Variants in TTC6 observed in about 807,000 individuals in gnomAD.
The protein encoded by TTC6 is tetratricopeptide repeat domain 6, also known as tetratricopeptide repeat protein 6.
TTC6 carries 172 observed loss-of-function variants against 210.4 expected under a neutral mutation model. That is an observed-to-expected ratio of 0.82 (90% CI 0.72 to 0.93). TTC6 has a LOEUF of 0.93. Ranked by LOEUF, TTC6 falls within the 40% of genes least tolerant of loss-of-function variation. The pLI, the probability that TTC6 is intolerant of heterozygous loss-of-function variation, is 0.00. For missense variants in TTC6, 2,414 were observed against 2,318.1 expected (o/e 1.04, Z -0.85); for synonymous variants, 804 against 819.6 (o/e 0.98, Z 0.32).
chr14:37,652,429 CAGAG>C (rs1293263861), intron 1 of TTC6, among the ~76,000 whole-genome samples: 3 of 151,884 alleles, frequency 2.0e-5, no homozygotes, highest in East Asian at 3.9e-4. Flanking sequence ...AATGATCTAG[CAGAG>C]AGAGAGAGAC....
At chr14:37,735,048 T>TA in intron 7 of TTC6, among the ~76,000 whole-genome samples, 1 of 152,184 alleles carries the variant, frequency 6.6e-6, no homozygotes, top group South Asian at 2.1e-4. Context: ...AGTGACCAAG[T>TA]ATCTTTCTAT....
chr14:37,638,977 T>C (rs980260346), intron 1 of TTC6, among the ~76,000 whole-genome samples: 2 of 152,228 alleles, frequency 1.3e-5, no homozygotes, highest in African/African-American at 4.8e-5. Context: ...TCTCAATTTC[T>C]TAGTACAAAT....
At chr14:37,748,622 A>G (rs2095942942) in intron 10 of TTC6, among the ~76,000 whole-genome samples, 1 of 151,948 alleles carries the variant, frequency 6.6e-6, no homozygotes, top group Non-Finnish European at 1.5e-5. Flanking sequence ...TACTTCCTTA[A>G]TTCTCCATTG....
intron 14 of TTC6, among the ~76,000 whole-genome samples, chr14:37,771,402 C>G (rs946564201): frequency 5.3e-5 from 8 of 152,134 alleles, no homozygotes; most frequent in Non-Finnish European, 8.8e-5. Flanking sequence ...AGAGTGTTTT[C>G]CAACTTGGTT....
Position 37,663,397 on chromosome 14 carries a change from A to G in TTC6, c.940-16754A>G, listed in dbSNP as rs145769105. On this transcript the variant is annotated intron_variant, in intron 1 of 30. Transcript: ENST00000553443. Reference sequence around the variant, plus strand: ...TTAAATGACTGTGGAAACTCAAATGATGTTTTTGAGAATATATCTGTGCTT... The same window carrying G: ...TTAAATGACTGTGGAAACTCAAATGGTGTTTTTGAGAATATATCTGTGCTT... Among the ~76,000 whole-genome samples the G allele has an allele frequency of 2.0e-3, 307 of 152,276 alleles. 1 individual carries two copies. Among genetic ancestry groups the G allele is most frequent in the African/African-American group, 6.7e-3 (280 of 41,572 alleles).
Position 37,598,470 on chromosome 14 carries a change from C to A in TTC6, c.-235+2462C>A, listed in dbSNP as rs1400356253. Among the ~76,000 whole-genome samples, 1 of 152,242 alleles carries A rather than the reference C, an allele frequency of 6.6e-6. No homozygotes were observed. The highest frequency in any genetic ancestry group is 1.9e-4 in the East Asian group (1 of 5,182). ...CCGCCCTTCCCGGAAGCTGCCCTTG[C>A]TACACCCGTGGGGCCTGCTCCCGGC... is the stretch of plus-strand genomic sequence containing the variant. On this transcript the variant is annotated intron_variant, in intron 1 of 2. Coordinates refer to the TTC6 transcript ENST00000556845. The surrounding 1 kb of genome is among the most constrained non-coding windows in gnomAD (Gnocchi z 4.9).
chr14:37,659,812 C>T (rs938843055), intron 1 of TTC6, among the ~76,000 whole-genome samples: 14 of 152,174 alleles, frequency 9.2e-5, no homozygotes, highest in Admixed American at 5.2e-4. Flanking sequence ...TGACCCACCG[C>T]GCTTGGCCTT....
intron 5 of TTC6, among the ~76,000 whole-genome samples, chr14:37,711,686 G>T (rs982042679): frequency 2.0e-5 from 3 of 152,134 alleles, no homozygotes; most frequent in Non-Finnish European, 4.4e-5. Context: ...AGCTTGGGTT[G>T]TATATACTGT....
At chr14:37,725,332 A>G (rs370509442) in intron 7 of TTC6, among the ~76,000 whole-genome samples, 15 of 91,446 alleles carry the variant, frequency 1.6e-4, no homozygotes, top group African/African-American at 5.3e-4. Flanking sequence ...ATATATATAT[A>G]TATATATATA....
chr14:37,655,733 G>C (rs1009004560), intron 1 of TTC6, among the ~76,000 whole-genome samples: 2 of 152,162 alleles, frequency 1.3e-5, no homozygotes, highest in African/African-American at 4.8e-5. Context: ...ATGACATTCA[G>C]GAACAATTAT....
intron 1 of TTC6, among the ~76,000 whole-genome samples, chr14:37,599,190 G>A (rs1022421648): frequency 6.6e-6 from 1 of 152,224 alleles, no homozygotes; most frequent in African/African-American, 2.4e-5. Flanking sequence ...CCGCGAGAGA[G>A]AAGTATGGGC....
intron 1 of TTC6, among the ~76,000 whole-genome samples, chr14:37,636,366 T>C (rs2095680706): frequency 6.6e-6 from 1 of 152,168 alleles, no homozygotes; most frequent in African/African-American, 2.4e-5. Flanking sequence ...GGACCATATC[T>C]TGGGCCATAA....
intron 15 of TTC6, among the ~76,000 whole-genome samples, chr14:37,789,442 A>G (rs1414217839): frequency 6.6e-6 from 1 of 151,890 alleles, no homozygotes; most frequent in Non-Finnish European, 1.5e-5. Context: ...TCTTCAAGTG[A>G]TAACAGTCAT....
chr14:37,753,274 A>G lies in TTC6; in HGVS notation c.3266+39A>G, dbSNP rs1281015670. 2.8e-6 allele frequency: 4 copies of G among 1,448,258 alleles called. No homozygotes were observed. The African/African-American group carries it at 4.3e-5, about 15-fold the overall frequency. The allele number at this position is 1,448,258 out of a possible 1,614,324, so 89.7% of individuals were successfully genotyped here. On this transcript the variant is annotated intron_variant, in intron 14 of 30. Transcript: ENST00000553443. ...TAGATGTCGTTTTAAAATTATTACT[A>G]TTATTTGAAATACATTTTCAGAACA...
exon 28 of TTC6, chr14:37,826,216 G>C: frequency 1.2e-6 from 2 of 1,600,952 alleles, no homozygotes; most frequent in Non-Finnish European, 1.7e-6. Flanking sequence ...ATTCCAGAAA[G>C]CTTGGAACCA....
At chr14:37,748,707 A>G (rs1006637459) in intron 10 of TTC6, among the ~76,000 whole-genome samples, 8 of 152,116 alleles carry the variant, frequency 5.3e-5, no homozygotes, top group African/African-American at 1.4e-4. Flanking sequence ...TTTTTTTAGT[A>G]CTGTAAGGAG....
At chr14:37,731,934 A>AT (rs2095887299) in intron 7 of TTC6, among the ~76,000 whole-genome samples, 1 of 151,748 alleles carries the variant, frequency 6.6e-6, no homozygotes, top group Non-Finnish European at 1.5e-5. Flanking sequence ...TGTATGCTTA[A>AT]TTTTTTGCCA....
At chr14:37,769,423 A>C (rs1044089774) in intron 14 of TTC6, among the ~76,000 whole-genome samples, 1 of 152,060 alleles carries the variant, frequency 6.6e-6, no homozygotes, top group African/African-American at 2.4e-5. Context: ...CTGTGAATCC[A>C]TCTGATCCTG....
chr14:37,748,880 C>T, intron 10 of TTC6, 59 bp from the exon 13 acceptor site: 1 of 1,310,616 alleles, frequency 7.6e-7, no homozygotes, highest in Non-Finnish European at 1.0e-6. Flanking sequence ...AGTTGATTTA[C>T]TGATTAGAAA....
Sources: gnomAD v4.1 joint callset for allele counts (sites outside exome capture counted in the v4.1 genomes callset) on GRCh38, gnomAD v4.1.1 for gene constraint, Gnocchi (gnomAD v3.1) non-coding constraint, MANE v1.5 for transcripts, NCBI Gene and HGNC (gene_info 2026-07-23, HGNC 2026-07-21) for gene names.